Variants in ANKFN1 observed in about 807,000 individuals in gnomAD.
ANKFN1 encodes the protein ankyrin repeat and fibronectin type III domain containing 1.
In ANKFN1, 74 loss-of-function variants were observed where a neutral mutation model predicts 108.7. The ratio of observed to expected loss-of-function variants is 0.68; its 90% CI spans 0.56 to 0.83. The LOEUF is 0.83. Ranked by LOEUF, ANKFN1 falls within the 40% of genes least tolerant of loss-of-function variation. ANKFN1 has a pLI of 0.00. For synonymous variants in ANKFN1, 547 were observed against 516.2 expected, an observed-to-expected ratio of 1.06 and a Z score of -0.81; for missense variants, 1,505 against 1,382.3, an observed-to-expected ratio of 1.09 and a Z score of -1.41.
intron 19 of ANKFN1, among the ~76,000 whole-genome samples, chr17:56,497,937 C>T (rs2051251781): frequency 6.6e-6 from 1 of 151,954 alleles, no homozygotes; most frequent in Non-Finnish European, 1.5e-5. Flanking sequence ...GATGGAATAA[C>T]AAAAAAGCTC....
intron 4 of ANKFN1, among the ~76,000 whole-genome samples, chr17:56,065,717 T>C (rs1246253643): frequency 6.6e-6 from 1 of 152,174 alleles, no homozygotes; most frequent in Non-Finnish European, 1.5e-5. Context: ...ATTTAAGTTA[T>C]CTGTCTCATA....
chr17:56,494,147 T>C (rs575484464), intron 19 of ANKFN1, among the ~76,000 whole-genome samples: 2 of 152,330 alleles, frequency 1.3e-5, no homozygotes, highest in East Asian at 3.9e-4. Context: ...TATTGTAATT[T>C]ACTTGCAAAG....
intron 1 of ANKFN1, among the ~76,000 whole-genome samples, chr17:56,193,417 C>T (rs1313147011): frequency 6.7e-6 from 1 of 149,738 alleles, no homozygotes; most frequent in South Asian, 2.1e-4. Context: ...AAAAAAAATA[C>T]AGCTAGTATA....
chr17:56,507,114 G>T (rs2051596121), intron 20 of ANKFN1, among the ~76,000 whole-genome samples: 1 of 152,028 alleles, frequency 6.6e-6, no homozygotes, highest in South Asian at 2.1e-4. Context: ...TCTTTGCATG[G>T]GTCCTATTTC....
At chr17:56,298,212 A>AT (rs2144351066) in intron 3 of ANKFN1, among the ~76,000 whole-genome samples, 1 of 152,350 alleles carries the variant, frequency 6.6e-6, no homozygotes, top group Admixed American at 6.5e-5. Context: ...TGGAAAATAC[A>AT]TACATATGGA....
At chr17:56,370,705 C>T (rs1432032341) in intron 6 of ANKFN1, among the ~76,000 whole-genome samples, 4 of 152,138 alleles carry the variant, frequency 2.6e-5, no homozygotes, top group East Asian at 1.9e-4. Context: ...TCTAAAAATA[C>T]ACAAATGTAT....
intron 3 of ANKFN1, among the ~76,000 whole-genome samples, chr17:56,273,624 A>G (rs1433280117): frequency 1.3e-5 from 2 of 152,226 alleles, no homozygotes; most frequent in East Asian, 3.8e-4. Flanking sequence ...AACACAACTC[A>G]TTGAATAAAG....
At chr17:56,164,343 T>C (rs147010188) in intron 1 of ANKFN1, among the ~76,000 whole-genome samples, 1 of 152,308 alleles carries the variant, frequency 6.6e-6, no homozygotes, top group Non-Finnish European at 1.5e-5. Flanking sequence ...TCAGATGCCC[T>C]TCCTCAACAC....
chr17:56,204,840 C>T (rs1182668918), intron 1 of ANKFN1, among the ~76,000 whole-genome samples: 1 of 152,054 alleles, frequency 6.6e-6, no homozygotes, highest in African/African-American at 2.4e-5. Flanking sequence ...CTTTGTGAGG[C>T]CGAGGTGGGC....
chr17:56,365,881 T>C (rs1054886483), intron 6 of ANKFN1, among the ~76,000 whole-genome samples: 2 of 152,242 alleles, frequency 1.3e-5, no homozygotes. Context: ...CTGTTTCATG[T>C]ATTTACTATA....
intron 8 of ANKFN1, among the ~76,000 whole-genome samples, chr17:56,376,953 G>A (rs2046963615): frequency 6.6e-6 from 1 of 152,180 alleles, no homozygotes; most frequent in African/African-American, 2.4e-5. Context: ...AGGGGTTGAA[G>A]TAATTATTTA....
At chr17:56,197,358 A>T (rs1243971256) in intron 1 of ANKFN1, among the ~76,000 whole-genome samples, 3 of 152,334 alleles carry the variant, frequency 2.0e-5, no homozygotes, top group African/African-American at 7.2e-5. Context: ...GAATTTGATT[A>T]TGCTAGGCGT....
At chr17:56,259,257 G>A (rs141726020) in intron 3 of ANKFN1, among the ~76,000 whole-genome samples, 29 of 152,280 alleles carry the variant, frequency 1.9e-4, no homozygotes, top group African/African-American at 6.3e-4. Flanking sequence ...GAGATCATGT[G>A]AGATCCTGAC....
chr17:56,072,994 T>C (rs779334218), intron 4 of ANKFN1, among the ~76,000 whole-genome samples: 4 of 150,914 alleles, frequency 2.7e-5, no homozygotes, highest in Middle Eastern at 3.4e-3. Context: ...GGTTTTATTA[T>C]TTTCTTTTTT....
At chr17:56,462,970 C>T (rs780630641) in intron 14 of ANKFN1, among the ~76,000 whole-genome samples, 6 of 152,198 alleles carry the variant, frequency 3.9e-5, no homozygotes, top group Non-Finnish European at 8.8e-5. Flanking sequence ...CGCTCATAGT[C>T]ACTGGGCTTA....
chr17:56,284,782 G>A (rs781195886), intron 3 of ANKFN1, among the ~76,000 whole-genome samples: 4 of 152,180 alleles, frequency 2.6e-5, no homozygotes, highest in African/African-American at 4.8e-5. Context: ...GAGTGTCGAC[G>A]TGTAGAAGTG....
intron 2 of ANKFN1, among the ~76,000 whole-genome samples, chr17:56,220,916 G>A (rs1347958357): frequency 1.4e-5 from 2 of 138,974 alleles, no homozygotes. Flanking sequence ...GGGAGTGGGG[G>A]AGGGAGGAAC....
At position 56,478,477 on chromosome 17, in the gene ANKFN1, C is replaced by T. The variant is rs146494396; in HGVS notation, c.1940+823C>T. ...GCCTGAGGACCTTGTATGTTTTCTA[C>T]AACCCTTATAATTCTCTATGGAAGA... On this transcript the variant is annotated intron_variant, in intron 16 of 20. Coordinates refer to ENST00000682825, the MANE Select transcript of ANKFN1 (RefSeq NM_001370326.1). Among the ~76,000 whole-genome samples the T allele has an allele frequency of 1.6e-3, 236 of 152,246 alleles. 3 individuals are homozygous for T. Among genetic ancestry groups the T allele is most frequent in the East Asian group, 2.5e-3 (13 of 5,176 alleles).
rs998706008 is a variant in ANKFN1 at position 56,105,356 on chromosome 17, C to T, written c.288+59031C>T. Among the ~76,000 whole-genome samples the T allele has an allele frequency of 7.2e-5, 11 of 152,090 alleles. No homozygotes were observed. In the East Asian group the frequency reaches 1.5e-3, roughly 21 times the overall value. The stretch of plus-strand genomic sequence containing the variant: ...ATCCAGAATGATGTGCACTTGATCA[C>T]GGGAGTCTGCTAGCTACCCCTGCAC... On this transcript the variant is annotated intron_variant, in intron 4 of 12. Coordinates refer to the ANKFN1 transcript ENST00000635860.
Sources: gnomAD v4.1 joint callset for allele counts (sites outside exome capture counted in the v4.1 genomes callset) on GRCh38, gnomAD v4.1.1 for gene constraint, MANE v1.5 for transcripts, NCBI Gene and HGNC (gene_info 2026-07-23, HGNC 2026-07-21) for gene names.